DNAJC1: variants seen among roughly 807,000 people sequenced by gnomAD.
DNAJC1 encodes the protein DnaJ heat shock protein family (Hsp40) member C1, also known as dnaJ homolog subfamily C member 1.
In DNAJC1, 58 loss-of-function variants were observed where a neutral mutation model predicts 76.6. The observed-to-expected ratio is 0.76, with a 90% CI of 0.61 to 0.94. The LOEUF (loss-of-function observed/expected upper bound fraction) is 0.94. DNAJC1 is among the 40% of genes least tolerant of loss of function. The probability of loss-of-function intolerance (pLI) is 0.00; values close to 1 mark genes in which losing one functional copy is unlikely to be tolerated. For synonymous variants in DNAJC1, 258 were observed against 267.9 expected, an observed-to-expected ratio of 0.96 and a Z score of 0.36; for missense variants, 689 against 677.3, an observed-to-expected ratio of 1.02 and a Z score of -0.19.
chr10:21,875,037 C>T (rs1041826445), intron 8 of DNAJC1, among the ~76,000 whole-genome samples: 19 of 152,220 alleles, frequency 1.2e-4, no homozygotes, highest in Admixed American at 4.6e-4. Context: ...CGTACCACCA[C>T]ACACGGCTAT....
At chr10:21,770,263 T>C (rs1392015472) in intron 9 of DNAJC1, among the ~76,000 whole-genome samples, 1 of 152,192 alleles carries the variant, frequency 6.6e-6, no homozygotes, top group East Asian at 1.9e-4. Flanking sequence ...TGACTGATGC[T>C]GAGCATTTTT....
At chr10:21,979,854 A>G (rs1424638812) in intron 1 of DNAJC1, among the ~76,000 whole-genome samples, 1 of 151,884 alleles carries the variant, frequency 6.6e-6, no homozygotes, top group Non-Finnish European at 1.5e-5. Flanking sequence ...ATTGTTTTTG[A>G]TAATAATCAA....
intron 1 of DNAJC1, among the ~76,000 whole-genome samples, chr10:21,976,859 C>T (rs1474894172): frequency 5.9e-5 from 9 of 152,118 alleles, no homozygotes; most frequent in African/African-American, 2.2e-4. Context: ...GCAGCTTCTG[C>T]CTTTCTCTAA....
chr10:21,838,277 A>T (rs1835506199), intron 8 of DNAJC1, among the ~76,000 whole-genome samples: 1 of 152,056 alleles, frequency 6.6e-6, no homozygotes, highest in African/African-American at 2.4e-5. Flanking sequence ...GTTCTGTACT[A>T]AGAAAAATTC....
chr10:21,962,148 A>G (rs976743458), intron 1 of DNAJC1, among the ~76,000 whole-genome samples: 5 of 152,294 alleles, frequency 3.3e-5, no homozygotes, highest in African/African-American at 1.2e-4. Context: ...TAACTAGTAC[A>G]TAATACATAT....
intron 1 of DNAJC1, among the ~76,000 whole-genome samples, chr10:21,973,163 A>T (rs1228387581): frequency 6.6e-6 from 1 of 152,178 alleles, no homozygotes; most frequent in African/African-American, 2.4e-5. Flanking sequence ...TTCTGTAAAA[A>T]TCAAAATTTC....
At position 21,779,596 on chromosome 10, in the gene DNAJC1, C is replaced by T. The variant is rs1037023559; in HGVS notation, c.1099-13287G>A. Among the ~76,000 whole-genome samples, 17 of 152,142 alleles carry T rather than the reference C, an allele frequency of 1.1e-4. 1 individual carries two copies. Among genetic ancestry groups the T allele is most frequent in the East Asian group, 5.8e-4 (3 of 5,194 alleles). On this transcript the variant is annotated intron_variant, in intron 9 of 11. Transcript: ENST00000376980. ...CATCCACACCAAAACCCCATCTGTA[C>T]GTCACCATCATCAAAGACCAAAGGT... is the stretch of plus-strand genomic sequence containing the variant.
intron 1 of DNAJC1, among the ~76,000 whole-genome samples, chr10:21,973,390 A>G (rs1004149082): frequency 7.2e-5 from 11 of 152,240 alleles, no homozygotes; most frequent in African/African-American, 2.4e-4. Flanking sequence ...CTGAAGGTAC[A>G]TAACCAATGA....
intron 9 of DNAJC1, among the ~76,000 whole-genome samples, chr10:21,796,456 CTA>C (rs1834751424): frequency 6.6e-6 from 1 of 152,094 alleles, no homozygotes; most frequent in Non-Finnish European, 1.5e-5. Context: ...GGATATACAT[CTA>C]GAAGTTTTTC....
intron 9 of DNAJC1, among the ~76,000 whole-genome samples, chr10:21,770,565 T>C (rs1390978115): frequency 6.6e-6 from 1 of 151,904 alleles, no homozygotes; most frequent in Non-Finnish European, 1.5e-5. Context: ...GCCCGGCTAA[T>C]TTTTTGTATT....
rs547978053 is a variant in DNAJC1 at position 21,903,795 on chromosome 10, G to C, written c.820+727C>G. Among the ~76,000 whole-genome samples, 6 of 152,182 alleles carry C rather than the reference G, an allele frequency of 3.9e-5. No individual in the cohort carries two copies. The East Asian group carries it at 9.7e-4, about 25-fold the overall frequency. On this transcript the variant is annotated intron_variant, in intron 7 of 11. Coordinates refer to ENST00000376980, the MANE Select transcript of DNAJC1 (RefSeq NM_022365.4). Reference sequence around the variant, plus strand: ...CAGATAAAGTCCTTACCCTCATGGAGCTTACATTCTACTGGGGGTGGGGGG... The same window carrying C: ...CAGATAAAGTCCTTACCCTCATGGACCTTACATTCTACTGGGGGTGGGGGG...
At chr10:21,920,170 T>C (rs1837018151) in intron 4 of DNAJC1, among the ~76,000 whole-genome samples, 1 of 152,036 alleles carries the variant, frequency 6.6e-6, no homozygotes, top group East Asian at 1.9e-4. Context: ...CAATCAAAGT[T>C]TTCTAAGAAG....
intron 1 of DNAJC1, among the ~76,000 whole-genome samples, chr10:21,941,434 T>C (rs1406404536): frequency 1.3e-5 from 2 of 152,074 alleles, no homozygotes; most frequent in South Asian, 4.1e-4. Flanking sequence ...TTATTCATTA[T>C]ATTGGATGGG....
intron 3 of DNAJC1, among the ~76,000 whole-genome samples, chr10:21,926,021 C>A (rs1299127785): frequency 1.3e-5 from 2 of 152,220 alleles, no homozygotes; most frequent in Non-Finnish European, 2.9e-5. Context: ...CCAGGCTAAG[C>A]ACAGTGCGCA....
intron 8 of DNAJC1, among the ~76,000 whole-genome samples, chr10:21,833,531 G>A (rs932307346): frequency 2.6e-5 from 4 of 152,090 alleles, no homozygotes; most frequent in African/African-American, 4.8e-5. Flanking sequence ...CAGTGAAGTG[G>A]GTGTGAATCA....
intron 9 of DNAJC1, among the ~76,000 whole-genome samples, chr10:21,781,892 T>A (rs1443932910): frequency 6.6e-6 from 1 of 152,022 alleles, no homozygotes; most frequent in Non-Finnish European, 1.5e-5. Flanking sequence ...GGGACACATT[T>A]AAAGCAGTGA....
intron 8 of DNAJC1, among the ~76,000 whole-genome samples, chr10:21,807,487 C>G (rs1460018810): frequency 6.6e-6 from 1 of 152,186 alleles, no homozygotes; most frequent in East Asian, 1.9e-4. Context: ...CAGCTTCACT[C>G]ATAATCAAAG....
Position 22,003,385 on chromosome 10 carries a change from A to G in DNAJC1, c.50T>C (p.Leu17Pro), listed in dbSNP as rs1838560034. 4 of 1,382,776 alleles carry G rather than the reference A, an allele frequency of 2.9e-6. No homozygotes were observed. In the Admixed American group the frequency reaches 1.1e-4, roughly 38 times the overall value. The allele number at this position is 1,382,776 out of a possible 1,614,324, so 85.7% of individuals were successfully genotyped here. A position where few individuals can be genotyped will look rare whatever the true frequency, so the allele number is the denominator to read the frequency against. The change falls in exon 1 of 12, where the codon CTC becomes CCC. Residue 17 changes from leucine to proline, a missense_variant. Coordinates refer to ENST00000376980, the MANE Select transcript of DNAJC1 (RefSeq NM_022365.4). ...QPAQLPGRRQ[L>P]GLVPFPPPPP... ...CGGCGGCGGGAACGGCACCAGCCCG[A>G]GCTGGCGGCGTCCAGGAAGCTGCGC... is the stretch of plus-strand genomic sequence containing the variant.
At chr10:21,909,303 T>C (rs1423943945) in intron 6 of DNAJC1, among the ~76,000 whole-genome samples, 2 of 152,234 alleles carry the variant, frequency 1.3e-5, no homozygotes, top group Non-Finnish European at 1.5e-5. Context: ...TCTTTGTACG[T>C]AATTATAGAG....
Sources: allele counts gnomAD v4.1 joint callset (sites outside exome capture counted in the v4.1 genomes callset), GRCh38; gene constraint gnomAD v4.1.1; transcripts MANE v1.5; gene names NCBI Gene and HGNC (gene_info 2026-07-23, HGNC 2026-07-21).